Variants in ACYP2 observed in about 807,000 individuals in gnomAD.
ACYP2 encodes acylphosphatase 2, also known as acylphosphatase-2.
Under a neutral mutation model 11.2 loss-of-function variants are expected in ACYP2, and 12 were observed. The ratio of observed to expected loss-of-function variants is 1.08; its 90% CI spans 0.69 to 1.74. ACYP2 has a LOEUF of 1.74. Among genes scored for constraint, ACYP2 ranks in the 40% most tolerant of loss-of-function variants. The pLI is 0.00. For missense variants in ACYP2, 134 were observed against 101.9 expected, an observed-to-expected ratio of 1.31 and a Z score of -1.35; for synonymous variants, 43 against 32.2, an observed-to-expected ratio of 1.33 and a Z score of -1.13.
intron 4 of ACYP2, among the ~76,000 whole-genome samples, chr2:54,127,044 A>G (rs1680557423): frequency 1.3e-5 from 2 of 151,138 alleles, no homozygotes; most frequent in South Asian, 4.2e-4. Context: ...AGAATTGGCC[A>G]ACTTTTCACA....
intron 6 of ACYP2, among the ~76,000 whole-genome samples, chr2:54,294,618 C>T (rs1222876262): frequency 1.3e-5 from 2 of 152,078 alleles, no homozygotes; most frequent in African/African-American, 4.8e-5. Context: ...TTCTTCTCTT[C>T]ACAAATCTTG....
intron 2 of ACYP2, among the ~76,000 whole-genome samples, chr2:54,028,648 C>G (rs7583508): frequency 0.096 from 14,616 of 152,214 alleles, 953 homozygotes; most frequent in African/African-American, 0.18. Context: ...ATTGTTTTCT[C>G]AGCAGATCCA....
chr2:54,200,349 T>A (rs150435639), intron 6 of ACYP2, among the ~76,000 whole-genome samples: 1 of 152,160 alleles, frequency 6.6e-6, no homozygotes, highest in South Asian at 2.1e-4. Flanking sequence ...CTGTGAAGAT[T>A]AAATGAGATT....
At chr2:54,102,443 A>G (rs999810262) in intron 4 of ACYP2, among the ~76,000 whole-genome samples, 26 of 152,078 alleles carry the variant, frequency 1.7e-4, no homozygotes, top group Non-Finnish European at 3.5e-4. Context: ...AGAAAGTGCT[A>G]TCCCTCATTC....
At chr2:54,179,790 C>G (rs1411711529) in intron 6 of ACYP2, among the ~76,000 whole-genome samples, 1 of 152,124 alleles carries the variant, frequency 6.6e-6, no homozygotes, top group East Asian at 1.9e-4. Flanking sequence ...GTGCTGACCT[C>G]CTGTCTCATC....
chr2:54,181,870 CT>C (rs1193417217), intron 6 of ACYP2, among the ~76,000 whole-genome samples: 2 of 151,450 alleles, frequency 1.3e-5, no homozygotes, highest in Non-Finnish European at 1.5e-5. Context: ...TTATGTTAAA[CT>C]TTTTTTTGTT....
At chr2:54,188,669 A>T (rs73935095) in intron 6 of ACYP2, among the ~76,000 whole-genome samples, 5,123 of 152,264 alleles carry the variant, frequency 0.034, 277 homozygotes, top group African/African-American at 0.11. Context: ...GTTTAAAGAA[A>T]CAAACCATAC....
At chr2:54,192,871 T>A (rs1684293447) in intron 6 of ACYP2, among the ~76,000 whole-genome samples, 1 of 152,104 alleles carries the variant, frequency 6.6e-6, no homozygotes, top group Non-Finnish European at 1.5e-5. Flanking sequence ...TATAAAACCA[T>A]CAGATCTCCT....
At chr2:54,130,234 A>C (rs568812502) in intron 4 of ACYP2, among the ~76,000 whole-genome samples, 64 of 152,310 alleles carry the variant, frequency 4.2e-4, no homozygotes, top group Non-Finnish European at 7.6e-4. Context: ...TGGAGGGATA[A>C]ATAATGGGAA....
At chr2:54,122,584 C>G (rs543452895) in intron 4 of ACYP2, among the ~76,000 whole-genome samples, 2 of 152,330 alleles carry the variant, frequency 1.3e-5, no homozygotes, top group African/African-American at 4.8e-5. Flanking sequence ...GGGCTGTGTT[C>G]CAGCCAACAC....
At chr2:54,040,442 T>C (rs1471685492) in intron 2 of ACYP2, among the ~76,000 whole-genome samples, 1 of 151,994 alleles carries the variant, frequency 6.6e-6, no homozygotes, top group Non-Finnish European at 1.5e-5. Context: ...TGTTAGCACA[T>C]CCTAGATGAT....
At chr2:54,253,462 A>C (rs1322596614) in intron 6 of ACYP2, 1 of 152,218 alleles carries the variant, frequency 6.6e-6, no homozygotes, top group Non-Finnish European at 1.5e-5. Context: ...AATCTTCCAC[A>C]TAAGTAAGGC....
At chr2:54,159,643 GTCTA>G (rs1682617783) in intron 6 of ACYP2, among the ~76,000 whole-genome samples, 2 of 152,160 alleles carry the variant, frequency 1.3e-5, no homozygotes, top group African/African-American at 4.8e-5. Context: ...GAAAAGTCCA[GTCTA>G]ACTGGGGTGA....
chr2:54,123,406 T>C, intron 4 of ACYP2: 1 of 398,626 alleles, frequency 2.5e-6, no homozygotes, highest in East Asian at 3.6e-5. Context: ...GTTCTACAAA[T>C]AGAGGTAGGA....
At chr2:54,016,962 T>C (rs910308442) in intron 2 of ACYP2, among the ~76,000 whole-genome samples, 19 of 152,064 alleles carry the variant, frequency 1.2e-4, no homozygotes, top group Non-Finnish European at 2.2e-4. Flanking sequence ...CCTGACCTCA[T>C]GATCCACCCA....
intron 6 of ACYP2, chr2:54,142,149 CA>C: frequency 2.7e-6 from 1 of 376,502 alleles, no homozygotes. Context: ...GCTGGGATTA[CA>C]AAAATAAACT....
At chr2:54,245,377 C>T (rs1686901998) in intron 6 of ACYP2, among the ~76,000 whole-genome samples, 1 of 152,268 alleles carries the variant, frequency 6.6e-6, no homozygotes, top group African/African-American at 2.4e-5. Flanking sequence ...TACTGATTTC[C>T]TTTCCTTTGG....
intron 6 of ACYP2, among the ~76,000 whole-genome samples, chr2:54,167,782 A>C (rs1683056707): frequency 6.6e-6 from 1 of 152,248 alleles, no homozygotes; most frequent in South Asian, 2.1e-4. Flanking sequence ...TATAAACAAT[A>C]ATTCAGAGGG....
Position 53,974,523 on chromosome 2 carries a change from C to G in ACYP2, c.62+713C>G, listed in dbSNP as rs762335999. Among the ~76,000 whole-genome samples, 110 of 152,252 alleles carry G rather than the reference C, an allele frequency of 7.2e-4. 1 individual carries two copies. Among genetic ancestry groups the G allele is most frequent in the South Asian group, 1.0e-3 (5 of 4,824 alleles). On this transcript the variant is annotated intron_variant, in intron 2 of 6. Coordinates refer to ENST00000607452, the MANE Select transcript of ACYP2 (RefSeq NM_001320586.2). ...GAAATTGAAGAAGCCTTAGAGTAGT[C>G]TCAGAATTCAGAAAATTGATTTAAA...
Sources: allele counts gnomAD v4.1 joint callset (sites outside exome capture counted in the v4.1 genomes callset), GRCh38; gene constraint gnomAD v4.1.1; transcripts MANE v1.5; gene names NCBI Gene and HGNC (gene_info 2026-07-23, HGNC 2026-07-21).